The following LIPI variants were observed in gnomAD, a reference collection of about 807,000 sequenced individuals.
The protein encoded by LIPI is lipase member I.
In LIPI, 59 loss-of-function variants were observed where a neutral mutation model predicts 50.6. The observed-to-expected ratio is 1.16, with a 90% confidence interval of 0.94 to 1.45. LIPI has a LOEUF of 1.45. Among genes scored for constraint, LIPI ranks in the 40% most tolerant of loss-of-function variants. The pLI, the probability that LIPI is intolerant of heterozygous loss-of-function variation, is 0.00. For synonymous variants in LIPI, 203 were observed against 178.2 expected (o/e 1.14, Z -1.11); for missense variants, 586 against 536.3 (o/e 1.09, Z -0.92).
At chr21:14,163,552 A>G in intron 6 of LIPI, 29 bp from the exon 7 acceptor site, 3 of 1,068,320 alleles carry the variant, frequency 2.8e-6, no homozygotes, top group Non-Finnish European at 4.4e-6. Context: ...AACATTAGAA[A>G]TTGGATTTCC....
intron 1 of LIPI, among the ~76,000 whole-genome samples, chr21:14,195,052 A>T (rs2019798443): frequency 6.6e-6 from 1 of 152,060 alleles, no homozygotes; most frequent in East Asian, 1.9e-4. Flanking sequence ...CTTGGAGGCC[A>T]TTTCCAGACT....
chr21:14,145,657 G>A (rs1354862133), intron 8 of LIPI, among the ~76,000 whole-genome samples: 4 of 152,100 alleles, frequency 2.6e-5, no homozygotes, highest in African/African-American at 4.8e-5. Context: ...GGAGGTGGAG[G>A]AGAAGAAGGA....
chr21:14,131,870 A>G (rs1479527784), intron 9 of LIPI, among the ~76,000 whole-genome samples: 1 of 152,204 alleles, frequency 6.6e-6, no homozygotes, highest in Non-Finnish European at 1.5e-5. Context: ...TGAAAGAAAA[A>G]AAGCATAAAT....
At chr21:14,150,243 A>G (rs79917237) in intron 8 of LIPI, among the ~76,000 whole-genome samples, 12,784 of 152,252 alleles carry the variant, frequency 0.084, 691 homozygotes, top group East Asian at 0.27. Flanking sequence ...AACCTGGTCC[A>G]ATCCTTGACA....
chr21:14,160,822 T>C (rs1216873254), intron 7 of LIPI, among the ~76,000 whole-genome samples: 1 of 150,986 alleles, frequency 6.6e-6, no homozygotes, highest in Non-Finnish European at 1.5e-5. Context: ...AATTGAAAAA[T>C]ATCCAAAAGA....
intron 8 of LIPI, among the ~76,000 whole-genome samples, chr21:14,147,789 T>G (rs1224049403): frequency 6.6e-6 from 1 of 152,186 alleles, no homozygotes; most frequent in Non-Finnish European, 1.5e-5. Context: ...ACTTATTCAA[T>G]TAACCATGCA....
chr21:14,164,180 C>T (rs543954719), intron 6 of LIPI, among the ~76,000 whole-genome samples: 2 of 151,916 alleles, frequency 1.3e-5, no homozygotes, highest in African/African-American at 2.4e-5. Context: ...ATTGCTACCT[C>T]CAAATTTGAG....
At chr21:14,176,175 CAAAA>C (rs35536134) in intron 4 of LIPI, among the ~76,000 whole-genome samples, 3 of 111,642 alleles carry the variant, frequency 2.7e-5, no homozygotes, top group Admixed American at 1.8e-4. Flanking sequence ...GACTCCGTCT[CAAAA>C]AAAAAAAAAA....
chr21:14,118,711 A>C (rs894914370), intron 9 of LIPI, among the ~76,000 whole-genome samples: 2 of 152,202 alleles, frequency 1.3e-5, no homozygotes, highest in Non-Finnish European at 2.9e-5. Context: ...AGTTATCAGG[A>C]GTCTGGGCAG....
At chr21:14,161,346 AAT>A (rs1305540270) in intron 7 of LIPI, among the ~76,000 whole-genome samples, 17 of 145,192 alleles carry the variant, frequency 1.2e-4, no homozygotes, top group African/African-American at 4.0e-4. Flanking sequence ...AGTTATATAT[AAT>A]ATATAGTAAT....
rs112763142 is a variant in LIPI at position 14,204,784 on chromosome 21, T to A, written c.46+6016A>T. 7.8e-3 allele frequency among the ~76,000 whole-genome samples: 1,185 copies of A among 152,012 alleles called. 19 individuals are homozygous for A. Among genetic ancestry groups the A allele is most frequent in the African/African-American group, 0.026 (1,079 of 41,540 alleles). ...TCTAGTTATATTAAAGTATTCCATG[T>A]AAAAGTAAAATCATATGAACTAGAA... On this transcript the variant is annotated intron_variant, in intron 1 of 9. Coordinates refer to ENST00000681601, the MANE Select transcript of LIPI (RefSeq NM_001302998.2).
intron 9 of LIPI, among the ~76,000 whole-genome samples, chr21:14,125,771 G>C (rs182573595): frequency 2.0e-5 from 3 of 152,204 alleles, no homozygotes; most frequent in Non-Finnish European, 4.4e-5. Context: ...TGTTAGCCAG[G>C]ATGGTCTCCA....
intron 3 of LIPI, among the ~76,000 whole-genome samples, chr21:14,184,402 A>G (rs2019382726): frequency 6.6e-6 from 1 of 152,110 alleles, no homozygotes; most frequent in Non-Finnish European, 1.5e-5. Context: ...GGTGCAGCAC[A>G]CCAACATGGC....
At chr21:14,200,207 T>C (rs1378760595) in intron 1 of LIPI, among the ~76,000 whole-genome samples, 1 of 151,930 alleles carries the variant, frequency 6.6e-6, no homozygotes, top group East Asian at 1.9e-4. Flanking sequence ...AAGGATACCC[T>C]CTCTCACCAC....
chr21:14,156,725 G>C (rs533428451), intron 7 of LIPI, among the ~76,000 whole-genome samples: 1 of 151,916 alleles, frequency 6.6e-6, no homozygotes. Context: ...ATAAGAAGAA[G>C]CTGGAAAAAT....
At chr21:14,121,188 C>A (rs932592493) in intron 9 of LIPI, among the ~76,000 whole-genome samples, 3 of 152,114 alleles carry the variant, frequency 2.0e-5, no homozygotes, top group African/African-American at 7.2e-5. Flanking sequence ...GGACAACAGA[C>A]CAGCTTTTGT....
rs75181276 is a variant in LIPI, at chr21:14,112,517, A to G, written c.1296-3437T>C. Among the ~76,000 whole-genome samples the G allele has an allele frequency of 3.6e-3, 540 of 152,082 alleles. 2 individuals are homozygous for G. Among genetic ancestry groups the G allele is most frequent in the African/African-American group, 0.013 (520 of 41,534 alleles). On this transcript the variant is annotated intron_variant, in intron 9 of 9. Coordinates refer to ENST00000681601, the MANE Select transcript of LIPI (RefSeq NM_001302998.2). ...TGTGTCTTCTTCAATTTATTTCATCAATGTTTTACAGTTTTCTGTGTAAGA... is the reference window on the plus strand; with the variant it reads ...TGTGTCTTCTTCAATTTATTTCATCGATGTTTTACAGTTTTCTGTGTAAGA...
At position 14,109,040 on chromosome 21, in the gene LIPI, CTCTG is replaced by C. The variant is rs766022580; in HGVS notation, c.1332_1335del (p.Asp444GlufsTer28). On this transcript the variant is annotated frameshift_variant, in exon 10 of 10. Transcript: ENST00000681601. LOFTEE classifies it high-confidence loss of function. ...GTGTTTGGATTAAGAAACACTTCCT[CTCTG>C]TCTTTAAGTACAATATTATACCTGC... 2.5e-6 allele frequency: 4 copies of C among 1,600,256 alleles called. No individual in the cohort carries two copies. In the South Asian group the frequency reaches 3.3e-5, roughly 13 times the overall value.
intron 1 of LIPI, among the ~76,000 whole-genome samples, chr21:14,200,450 A>AT (rs1311955323): frequency 2.6e-5 from 4 of 152,074 alleles, no homozygotes; most frequent in African/African-American, 9.7e-5. Flanking sequence ...TATTATTCCT[A>AT]TACACCAACA....
Sources: gnomAD v4.1 joint callset for allele counts (sites outside exome capture counted in the v4.1 genomes callset) on GRCh38, gnomAD v4.1.1 for gene constraint, MANE v1.5 for transcripts, NCBI Gene and HGNC (gene_info 2026-07-23, HGNC 2026-07-21) for gene names.